The following ZNF521 variants were observed in gnomAD, a reference collection of about 807,000 sequenced individuals.
ZNF521 encodes zinc finger protein 521.
A neutral mutation model predicts 105.5 loss-of-function variants in ZNF521; 14 were observed. The observed-to-expected ratio is 0.13, with a 90% CI of 0.09 to 0.21. ZNF521 has a LOEUF of 0.21. Ranked by LOEUF, ZNF521 falls within the 10% of genes least tolerant of loss-of-function variation. ZNF521 has a pLI of 1.00. For missense variants in ZNF521, 1,233 were observed against 1,629.7 expected, an observed-to-expected ratio of 0.76 and a Z score of 4.19; for synonymous variants, 635 against 606.0, an observed-to-expected ratio of 1.05 and a Z score of -0.70.
chr18:25,284,034 C>T (rs1910543981), intron 3 of ZNF521, among the ~76,000 whole-genome samples: 1 of 151,622 alleles, frequency 6.6e-6, no homozygotes, highest in African/African-American at 2.4e-5. Flanking sequence ...CTGAAAGAAG[C>T]TGGACTCAAA....
intron 4 of ZNF521, among the ~76,000 whole-genome samples, chr18:25,222,543 G>A (rs1905799050): frequency 6.6e-6 from 1 of 152,094 alleles, no homozygotes; most frequent in South Asian, 2.1e-4. Flanking sequence ...AAATGCACAA[G>A]CAACACCAAA....
intron 5 of ZNF521, among the ~76,000 whole-genome samples, chr18:25,123,964 G>A (rs2034491608): frequency 6.6e-6 from 1 of 152,090 alleles, no homozygotes; most frequent in South Asian, 2.1e-4. Flanking sequence ...ATTTCCATAA[G>A]CCATCATTCC....
intron 7 of ZNF521, 91 bp from the exon 8 acceptor site, chr18:25,062,832 C>A: frequency 8.2e-7 from 1 of 1,214,804 alleles, no homozygotes; most frequent in East Asian, 2.6e-5. Flanking sequence ...TTCATCAGAC[C>A]AAGCATATAT....
At chr18:25,318,759 A>G (rs1389490505) in intron 3 of ZNF521, among the ~76,000 whole-genome samples, 3 of 152,142 alleles carry the variant, frequency 2.0e-5, no homozygotes, top group African/African-American at 7.2e-5. Context: ...ATGTGCATAT[A>G]CTTGTATATG....
At chr18:25,208,592 C>T (rs1408232790) in intron 4 of ZNF521, among the ~76,000 whole-genome samples, 1 of 151,526 alleles carries the variant, frequency 6.6e-6, no homozygotes, top group African/African-American at 2.4e-5. Flanking sequence ...TTCTGTTCCT[C>T]CTCTTACTTT....
chr18:25,237,321 G>A (rs1906969500), intron 3 of ZNF521, among the ~76,000 whole-genome samples: 1 of 151,982 alleles, frequency 6.6e-6, no homozygotes, highest in Non-Finnish European at 1.5e-5. Flanking sequence ...CACTTAATAG[G>A]ACTAAATATC....
At chr18:25,241,406 C>A (rs531243954) in intron 3 of ZNF521, among the ~76,000 whole-genome samples, 10 of 152,198 alleles carry the variant, frequency 6.6e-5, no homozygotes, top group African/African-American at 2.4e-4. Context: ...CATGGTGGCT[C>A]GAACAATCTA....
At chr18:25,350,777 G>C in intron 2 of ZNF521, 130 bp downstream of exon 2, 1 of 927,952 alleles carries the variant, frequency 1.1e-6, no homozygotes, top group Non-Finnish European at 1.6e-6. Context: ...GGGGAGGGGA[G>C]CGCGCGCGCC....
chr18:25,331,667 A>G (rs1253017545), intron 2 of ZNF521, among the ~76,000 whole-genome samples: 6 of 152,214 alleles, frequency 3.9e-5, no homozygotes. Flanking sequence ...TGCCAGTCAA[A>G]TTGCAACATT....
intron 7 of ZNF521, among the ~76,000 whole-genome samples, chr18:25,078,797 G>A (rs1201962534): frequency 6.6e-6 from 1 of 152,232 alleles, no homozygotes; most frequent in Non-Finnish European, 1.5e-5. Context: ...TGAACGAGGT[G>A]CAGTTTCATC....
At chr18:25,090,211 T>C (rs868757054) in intron 6 of ZNF521, among the ~76,000 whole-genome samples, 4 of 152,190 alleles carry the variant, frequency 2.6e-5, no homozygotes, top group African/African-American at 9.7e-5. Flanking sequence ...AGACACGCTA[T>C]TAATAATTAA....
chr18:25,136,915 T>C (rs2034745224), intron 5 of ZNF521, among the ~76,000 whole-genome samples: 2 of 152,144 alleles, frequency 1.3e-5, no homozygotes, highest in Non-Finnish European at 2.9e-5. Flanking sequence ...ATGTGGTTGT[T>C]GGACTGGGGG....
chr18:25,305,248 A>G (rs1911910030), intron 3 of ZNF521, among the ~76,000 whole-genome samples: 1 of 152,208 alleles, frequency 6.6e-6, no homozygotes. Flanking sequence ...TGAGGTATCA[A>G]TATTTTTCAT....
At chr18:25,346,573 G>T (rs1449873996) in intron 2 of ZNF521, among the ~76,000 whole-genome samples, 1 of 152,038 alleles carries the variant, frequency 6.6e-6, no homozygotes, top group Non-Finnish European at 1.5e-5. Flanking sequence ...TCTTTAAATT[G>T]CAGACTAAGT....
intron 3 of ZNF521, among the ~76,000 whole-genome samples, chr18:25,307,559 C>A (rs1438246779): frequency 2.0e-5 from 3 of 152,160 alleles, no homozygotes; most frequent in Non-Finnish European, 4.4e-5. Context: ...ACCCTGCCTT[C>A]CTTTCCTGGT....
intron 7 of ZNF521, among the ~76,000 whole-genome samples, chr18:25,066,737 A>G (rs2033071467): frequency 6.6e-6 from 1 of 152,216 alleles, no homozygotes; most frequent in South Asian, 2.1e-4. Flanking sequence ...CAGTCCTGAG[A>G]CAGCAAGGAC....
intron 3 of ZNF521, among the ~76,000 whole-genome samples, chr18:25,280,077 T>C (rs1182416670): frequency 6.6e-6 from 1 of 152,232 alleles, no homozygotes; most frequent in Non-Finnish European, 1.5e-5. Flanking sequence ...GGCTCAGAGC[T>C]GGAAGGATCC....
chr18:25,303,307 T>TGA (rs1270376489), intron 3 of ZNF521, among the ~76,000 whole-genome samples: 3 of 107,916 alleles, frequency 2.8e-5, no homozygotes, highest in African/African-American at 4.4e-5. Flanking sequence ...TGTGTGTGTG[T>TGA]GTGAGAGAGA....
At chr18:25,102,507 C>CTA (rs71375166) in intron 5 of ZNF521, among the ~76,000 whole-genome samples, 11,206 of 150,374 alleles carry the variant, frequency 0.075, 461 homozygotes, top group East Asian at 0.13. Context: ...AAAATTGAGA[C>CTA]TATATATATA....
Sources: gnomAD v4.1 joint callset for allele counts (sites outside exome capture counted in the v4.1 genomes callset) on GRCh38, gnomAD v4.1.1 for gene constraint, MANE v1.5 for transcripts, NCBI Gene and HGNC (gene_info 2026-07-23, HGNC 2026-07-21) for gene names.